The following DLGAP2 variants were observed in gnomAD, a reference collection of about 807,000 sequenced individuals.
DLGAP2 encodes disks large-associated protein 2.
A neutral mutation model predicts 100.3 loss-of-function variants in DLGAP2; 26 were observed. The observed-to-expected ratio is 0.26, with a 90% confidence interval of 0.19 to 0.36. The LOEUF (loss-of-function observed/expected upper bound fraction) is 0.36, where lower values mean the gene tolerates loss of function less well. Among genes scored for constraint, DLGAP2 ranks in the 10% least tolerant of loss-of-function variants. The pLI is 1.00. For synonymous variants in DLGAP2, 886 were observed against 630.1 expected (o/e 1.41, Z -6.08); for missense variants, 1,858 against 1,453.2 (o/e 1.28, Z -4.53).
chr8:1,216,527 G>T (rs564477516), intron 2 of DLGAP2, among the ~76,000 whole-genome samples: 2 of 151,248 alleles, frequency 1.3e-5, no homozygotes, highest in South Asian at 4.2e-4. Flanking sequence ...TTTACAGATT[G>T]TCTCACTATG....
chr8:1,040,680 C>T (rs1258578510), intron 2 of DLGAP2, among the ~76,000 whole-genome samples: 3 of 150,498 alleles, frequency 2.0e-5, no homozygotes, highest in Non-Finnish European at 2.9e-5. Flanking sequence ...GTGGTCGGCT[C>T]GGTTTCCGTG....
chr8:1,499,918 G>A (rs1474475764), intron 3 of DLGAP2, among the ~76,000 whole-genome samples: 1 of 123,470 alleles, frequency 8.1e-6, no homozygotes, highest in African/African-American at 3.1e-5. Context: ...AGTGGCTCCA[G>A]CATCACACTC....
At chr8:1,170,480 C>G (rs1277242206) in intron 2 of DLGAP2, among the ~76,000 whole-genome samples, 1 of 151,972 alleles carries the variant, frequency 6.6e-6, no homozygotes, top group Non-Finnish European at 1.5e-5. Flanking sequence ...CCTTGAACCT[C>G]TGGTAGAATT....
chr8:888,402 T>C (rs1797963832), intron 1 of DLGAP2, among the ~76,000 whole-genome samples: 1 of 152,206 alleles, frequency 6.6e-6, no homozygotes, highest in South Asian at 2.1e-4. Flanking sequence ...CACCTGATCC[T>C]CCATCCAGTT....
At chr8:1,187,682 C>G (rs1797539609) in intron 2 of DLGAP2, among the ~76,000 whole-genome samples, 1 of 147,626 alleles carries the variant, frequency 6.8e-6, no homozygotes, top group Admixed American at 6.8e-5. Context: ...TGACATTTCC[C>G]TCACACGCCC....
chr8:1,156,851 A>T (rs1796801481), intron 2 of DLGAP2, among the ~76,000 whole-genome samples: 1 of 152,150 alleles, frequency 6.6e-6, no homozygotes, highest in Admixed American at 6.5e-5. Flanking sequence ...AGAGGTTGGT[A>T]GAAAGGTTCT....
chr8:1,352,801 C>A (rs948912449), intron 3 of DLGAP2, among the ~76,000 whole-genome samples: 9 of 152,186 alleles, frequency 5.9e-5, no homozygotes, highest in African/African-American at 2.2e-4. Flanking sequence ...CACTCCCCAG[C>A]CCCTACCCAA....
At chr8:1,176,421 A>C (rs183919310) in intron 2 of DLGAP2, among the ~76,000 whole-genome samples, 1 of 152,330 alleles carries the variant, frequency 6.6e-6, no homozygotes, top group East Asian at 1.9e-4. Flanking sequence ...CGTTAGATCT[A>C]CACTTTGGGT....
At chr8:1,196,828 A>G (rs1797762135) in intron 2 of DLGAP2, among the ~76,000 whole-genome samples, 2 of 152,124 alleles carry the variant, frequency 1.3e-5, no homozygotes, top group South Asian at 4.1e-4. Context: ...CATCACACAT[A>G]CACCAGGGTT....
At chr8:1,339,371 G>T (rs1000958102) in intron 3 of DLGAP2, among the ~76,000 whole-genome samples, 1 of 152,046 alleles carries the variant, frequency 6.6e-6, no homozygotes, top group Non-Finnish European at 1.5e-5. Context: ...AGTGACTTCA[G>T]TAAGGCGTCA....
chr8:879,715 T>C (rs1020049398), intron 1 of DLGAP2, among the ~76,000 whole-genome samples: 1 of 152,196 alleles, frequency 6.6e-6, no homozygotes, highest in Non-Finnish European at 1.5e-5. Context: ...CATTGTTGAA[T>C]TTTTTCATCA....
At chr8:903,727 C>G (rs1442178608) in intron 1 of DLGAP2, among the ~76,000 whole-genome samples, 1 of 152,210 alleles carries the variant, frequency 6.6e-6, no homozygotes, top group Non-Finnish European at 1.5e-5. Context: ...TGAAACGTGT[C>G]TCCCAAAAAG....
intron 3 of DLGAP2, among the ~76,000 whole-genome samples, chr8:1,323,654 C>T (rs1800957767): frequency 6.6e-6 from 1 of 152,240 alleles, no homozygotes; most frequent in South Asian, 2.1e-4. Flanking sequence ...CCTGTGGCCT[C>T]TTCTGGGCAG....
intron 2 of DLGAP2, among the ~76,000 whole-genome samples, chr8:1,004,934 G>A (rs530652839): frequency 6.6e-4 from 101 of 152,284 alleles, no homozygotes; most frequent in African/African-American, 2.2e-3. Flanking sequence ...CACCATGCAG[G>A]AAGGCTGCGT....
chr8:1,581,218 T>A (rs563584032), intron 6 of DLGAP2, among the ~76,000 whole-genome samples: 53 of 125,184 alleles, frequency 4.2e-4, no homozygotes, highest in African/African-American at 1.5e-3. Flanking sequence ...CTACCAGAAG[T>A]GAAGGATACA....
At chr8:1,624,137 G>C (rs904196506) in intron 6 of DLGAP2, among the ~76,000 whole-genome samples, 1 of 152,180 alleles carries the variant, frequency 6.6e-6, no homozygotes, top group Non-Finnish European at 1.5e-5. Flanking sequence ...TCTCAGTCTA[G>C]AAGGCAGCTT....
chr8:1,671,830 C>T (rs968948476), intron 10 of DLGAP2, among the ~76,000 whole-genome samples: 1 of 152,224 alleles, frequency 6.6e-6, no homozygotes, highest in Admixed American at 6.5e-5. Context: ...TCCAGATTTG[C>T]AGGCCAGATG....
chr8:1,674,820 C>G (rs572189628), intron 10 of DLGAP2, among the ~76,000 whole-genome samples: 4 of 152,306 alleles, frequency 2.6e-5, no homozygotes, highest in Non-Finnish European at 5.9e-5. Context: ...ATGCACTAGG[C>G]TATACTCATA....
chr8:1,312,903 T>C (rs1046947715), intron 3 of DLGAP2, among the ~76,000 whole-genome samples: 1 of 152,192 alleles, frequency 6.6e-6, no homozygotes, highest in African/African-American at 2.4e-5. Flanking sequence ...GGGAGCACCA[T>C]GAAGCCCATA....
Sources: allele counts gnomAD v4.1 joint callset (sites outside exome capture counted in the v4.1 genomes callset), GRCh38; gene constraint gnomAD v4.1.1; transcripts MANE v1.5; gene names NCBI Gene and HGNC (gene_info 2026-07-23, HGNC 2026-07-21).